Variants in OTUD7A observed in about 807,000 individuals in gnomAD.
The protein encoded by OTUD7A is OTU domain-containing protein 7A.
A neutral mutation model predicts 65.7 loss-of-function variants in OTUD7A; 12 were observed. The observed-to-expected ratio is 0.18, with a 90% CI of 0.12 to 0.30. The LOEUF (loss-of-function observed/expected upper bound fraction) is 0.30. Among genes scored for constraint, OTUD7A ranks in the 10% least tolerant of loss-of-function variants. The pLI is 1.00. For synonymous variants in OTUD7A, 641 were observed against 586.3 expected, an observed-to-expected ratio of 1.09 and a Z score of -1.35; for missense variants, 1,148 against 1,304.8, an observed-to-expected ratio of 0.88 and a Z score of 1.85.
chr15:31,844,334 G>A (rs1229333205), intron 1 of OTUD7A, among the ~76,000 whole-genome samples: 19 of 152,150 alleles, frequency 1.2e-4, no homozygotes, highest in South Asian at 8.3e-4. Flanking sequence ...GTGAAACCCC[G>A]TCTCTACTAA....
intron 1 of OTUD7A, among the ~76,000 whole-genome samples, chr15:31,836,186 A>AAG (rs1897051246): frequency 6.6e-6 from 1 of 151,812 alleles, no homozygotes; most frequent in Admixed American, 6.6e-5. Context: ...CCTCTGATTC[A>AAG]AGACACATTT....
At chr15:31,679,710 G>A (rs1304736517) in intron 1 of OTUD7A, among the ~76,000 whole-genome samples, 1 of 152,196 alleles carries the variant, frequency 6.6e-6, no homozygotes, top group Non-Finnish European at 1.5e-5. Flanking sequence ...GCTGAACTGT[G>A]AGCCAATTAA....
chr15:31,601,155 A>C (rs1242089037), intron 3 of OTUD7A, among the ~76,000 whole-genome samples: 1 of 152,248 alleles, frequency 6.6e-6, no homozygotes, highest in Non-Finnish European at 1.5e-5. Flanking sequence ...GACAGAATAT[A>C]CATTCTTCTC....
chr15:31,541,148 T>C (rs1216198551), intron 5 of OTUD7A, among the ~76,000 whole-genome samples: 1 of 152,172 alleles, frequency 6.6e-6, no homozygotes, highest in African/African-American at 2.4e-5. Context: ...AAATACAGCA[T>C]GTTAAATTTT....
At chr15:31,640,313 C>G (rs1403213521) in intron 3 of OTUD7A, among the ~76,000 whole-genome samples, 1 of 152,066 alleles carries the variant, frequency 6.6e-6, no homozygotes, top group South Asian at 2.1e-4. Flanking sequence ...GTATACTGCT[C>G]GGGTGATGGG....
At chr15:31,541,316 T>TA (rs1213838885) in intron 5 of OTUD7A, among the ~76,000 whole-genome samples, 1 of 152,216 alleles carries the variant, frequency 6.6e-6, no homozygotes, top group Non-Finnish European at 1.5e-5. Flanking sequence ...AAGCAACTTT[T>TA]AAAAACCAAT....
chr15:31,748,402 TTATA>T (rs1276697869), intron 1 of OTUD7A, among the ~76,000 whole-genome samples: 3 of 151,180 alleles, frequency 2.0e-5, no homozygotes, highest in Non-Finnish European at 4.4e-5. Flanking sequence ...CACATAACTA[TTATA>T]TATATTTTAT....
chr15:31,655,866 C>A (rs1452162758), intron 2 of OTUD7A, among the ~76,000 whole-genome samples: 5 of 152,184 alleles, frequency 3.3e-5, no homozygotes, highest in Admixed American at 1.3e-4. Flanking sequence ...ATTTCTAATC[C>A]TCTTCCGAAT....
intron 3 of OTUD7A, among the ~76,000 whole-genome samples, chr15:31,579,782 A>G (rs1188846296): frequency 2.0e-5 from 3 of 152,220 alleles, no homozygotes; most frequent in Non-Finnish European, 2.9e-5. Flanking sequence ...CAATACATAT[A>G]TACTCTCTCT....
chr15:31,650,079 G>A (rs1283772866), intron 3 of OTUD7A, among the ~76,000 whole-genome samples: 4 of 107,618 alleles, frequency 3.7e-5, no homozygotes, highest in African/African-American at 2.0e-4. Context: ...TTTCTTCTCT[G>A]TGCCCCAGAC....
chr15:31,751,088 A>G (rs1009914930), intron 1 of OTUD7A, among the ~76,000 whole-genome samples: 7 of 152,236 alleles, frequency 4.6e-5, no homozygotes, highest in African/African-American at 1.7e-4. Flanking sequence ...GACAAAATTA[A>G]ACTACAGAGC....
In OTUD7A at chr15:31,588,416, G is replaced by A. The variant is rs563557927; in HGVS notation, c.152-18219C>T. ...AAACACAAACTTCAGGTGAGTGGTCGTTTCCCAGGGGGAGGCAACATGATG... is the reference window on the plus strand; with the variant it reads ...AAACACAAACTTCAGGTGAGTGGTCATTTCCCAGGGGGAGGCAACATGATG... On this transcript the variant is annotated intron_variant, in intron 3 of 12. Coordinates refer to ENST00000307050, the MANE Select transcript of OTUD7A (RefSeq NM_001382637.1). Among the ~76,000 whole-genome samples the A allele has an allele frequency of 2.5e-4, 38 of 152,274 alleles. No individual in the cohort carries two copies. The South Asian group carries it at 6.8e-3, about 27-fold the overall frequency.
chr15:31,503,583 T>C (rs1298320738), intron 9 of OTUD7A, 108 bp downstream of exon 9: 81 of 1,416,380 alleles, frequency 5.7e-5, no homozygotes, highest in Admixed American at 3.9e-4. Context: ...CACAGAGTGA[T>C]GCTTTGTGGC....
At chr15:31,807,493 T>C in intron 1 of OTUD7A, among the ~76,000 whole-genome samples, 1 of 152,140 alleles carries the variant, frequency 6.6e-6, no homozygotes, top group Admixed American at 6.5e-5. Context: ...ACACAAGACA[T>C]GCCACAGGAA....
intron 1 of OTUD7A, among the ~76,000 whole-genome samples, chr15:31,688,693 C>G (rs2625793): frequency 6.6e-6 from 1 of 152,156 alleles, no homozygotes; most frequent in African/African-American, 2.4e-5. Flanking sequence ...GCCAGAGTGT[C>G]TCATGATGTC....
intron 3 of OTUD7A, among the ~76,000 whole-genome samples, chr15:31,581,621 G>T (rs901775771): frequency 2.6e-5 from 4 of 152,244 alleles, no homozygotes; most frequent in Non-Finnish European, 5.9e-5. Flanking sequence ...CAAGGCTTGG[G>T]ACTTGCACCC....
chr15:31,807,792 C>T (rs993315115), intron 1 of OTUD7A, among the ~76,000 whole-genome samples: 5 of 152,028 alleles, frequency 3.3e-5, no homozygotes, highest in Non-Finnish European at 5.9e-5. Flanking sequence ...ATACCAACCA[C>T]CTCCACTCCC....
intron 1 of OTUD7A, among the ~76,000 whole-genome samples, chr15:31,832,844 T>C (rs1199056062): frequency 6.6e-6 from 1 of 152,222 alleles, no homozygotes; most frequent in Non-Finnish European, 1.5e-5. Context: ...TATCCATTCA[T>C]AGATTGAGGG....
intron 10 of OTUD7A, among the ~76,000 whole-genome samples, chr15:31,492,431 T>C (rs529229170): frequency 6.6e-6 from 1 of 151,794 alleles, no homozygotes; most frequent in African/African-American, 2.4e-5. Context: ...ATACAAAAAT[T>C]AGCTGGGCAT....
Sources: gnomAD v4.1 joint callset for allele counts (sites outside exome capture counted in the v4.1 genomes callset) on GRCh38, gnomAD v4.1.1 for gene constraint, MANE v1.5 for transcripts, NCBI Gene and HGNC (gene_info 2026-07-23, HGNC 2026-07-21) for gene names.